Variants in TADA1 observed in about 807,000 individuals in gnomAD.
TADA1 encodes transcriptional adaptor 1, also known as transcriptional adapter 1.
A neutral mutation model predicts 39.3 loss-of-function variants in TADA1; 23 were observed. The observed-to-expected ratio is 0.58, with a 90% CI of 0.42 to 0.83. The LOEUF (loss-of-function observed/expected upper bound fraction) is 0.83. Ranked by LOEUF, TADA1 falls within the 40% of genes least tolerant of loss-of-function variation. The probability of loss-of-function intolerance (pLI) is 0.00; values close to 1 mark genes in which losing one functional copy is unlikely to be tolerated. For missense variants in TADA1, 352 were observed against 408.1 expected (o/e 0.86, Z 1.18); for synonymous variants, 137 against 151.8 (o/e 0.90, Z 0.72).
At chr1:166,871,572 G>A (rs1476481109) in intron 1 of TADA1, among the ~76,000 whole-genome samples, 4 of 152,018 alleles carry the variant, frequency 2.6e-5, no homozygotes, top group Admixed American at 2.6e-4. Flanking sequence ...TAGCCTTTAT[G>A]GGGTCTTAAG....
At chr1:166,863,067 T>A (rs1319328825) in intron 4 of TADA1, 1 of 152,612 alleles carries the variant, frequency 6.6e-6, no homozygotes, top group Non-Finnish European at 1.5e-5. Context: ...TGCTTAAGGC[T>A]AATATAAAAG....
chr1:166,873,422 A>T (rs536961606), intron 1 of TADA1, among the ~76,000 whole-genome samples: 73 of 152,330 alleles, frequency 4.8e-4, no homozygotes, highest in African/African-American at 1.7e-3. Flanking sequence ...TTGGGCACAC[A>T]ACCCAACCAG....
At position 166,857,489 on chromosome 1, in the gene TADA1, T is replaced by C; in HGVS notation, c.*78A>G. ...ATATATACACTATACACTTCAGCCT[T>C]GAAATGTGGACCCAAAAAACATTCA... is the stretch of plus-strand genomic sequence containing the variant. On this transcript the variant is annotated 3_prime_UTR_variant, in exon 8 of 8. Coordinates refer to ENST00000367874, the MANE Select transcript of TADA1 (RefSeq NM_053053.4). The C allele has an allele frequency of 1.3e-6, 2 of 1,547,922 alleles. No individual in the cohort carries two copies. Among genetic ancestry groups the C allele is most frequent in the Non-Finnish European group, 1.8e-6 (2 of 1,134,148 alleles).
chr1:166,856,809 G>T lies in TADA1; in HGVS notation c.*758C>A, dbSNP rs1658288759. On this transcript the variant is annotated 3_prime_UTR_variant, in exon 8 of 8. Coordinates refer to ENST00000367874, the MANE Select transcript of TADA1 (RefSeq NM_053053.4). ...ACCAAGCATATATCCAATTTGTATAGATTTCTTAAAATACATTCTATAGGA... is the reference window on the plus strand; with the variant it reads ...ACCAAGCATATATCCAATTTGTATATATTTCTTAAAATACATTCTATAGGA... 2 of 152,610 alleles carry T rather than the reference G, an allele frequency of 1.3e-5. No homozygotes were observed. The highest frequency in any genetic ancestry group is 6.5e-5 in the Admixed American group (1 of 15,284). The allele number at this position is 152,610 out of a possible 1,614,324, so 9.5% of individuals were successfully genotyped here. A position where few individuals can be genotyped will look rare whatever the true frequency, so the allele number is the denominator to read the frequency against.
intron 1 of TADA1, among the ~76,000 whole-genome samples, chr1:166,875,624 T>C (rs923759154): frequency 1.4e-4 from 22 of 152,222 alleles, no homozygotes; most frequent in African/African-American, 5.3e-4. Context: ...ATCACTATAA[T>C]TGTAGTGTTC....
At chr1:166,869,338 T>A in intron 3 of TADA1, 107 bp downstream of exon 3, 1 of 831,482 alleles carries the variant, frequency 1.2e-6, no homozygotes, top group Non-Finnish European at 1.9e-6. Flanking sequence ...TTCTTCTGAG[T>A]AGTTCAAAAA....
intron 1 of TADA1, among the ~76,000 whole-genome samples, chr1:166,872,489 T>C (rs1172994542): frequency 6.6e-6 from 1 of 152,084 alleles, no homozygotes; most frequent in Non-Finnish European, 1.5e-5. Flanking sequence ...CTGACCAATA[T>C]GATGAAACCC....
intron 3 of TADA1, among the ~76,000 whole-genome samples, chr1:166,868,233 T>C (rs1307732621): frequency 1.3e-5 from 2 of 152,208 alleles, no homozygotes; most frequent in East Asian, 3.8e-4. Flanking sequence ...AGAGGTGACT[T>C]ACAGCTTAAT....
chr1:166,869,446 T>C lies in TADA1; in HGVS notation c.231A>G (p.Pro77=), dbSNP rs139529928. 1.2e-6 allele frequency: 2 copies of C among 1,612,418 alleles called. No homozygotes were observed. Among genetic ancestry groups the C allele is most frequent in the South Asian group, 1.1e-5 (1 of 91,014 alleles). The change falls in exon 3 of 8, where the codon CCA becomes CCG. Residue 77 remains proline (P), a splice_region_variant and synonymous_variant. Transcript: ENST00000367874. ...CTGGAAGTATTTCCACTCCCTTACC[T>C]GGTGTAGAAACCAAAATCTGACAAC... ...LTRCQILVST[P]DGAGSLPWPG...
Position 166,876,195 on chromosome 1 carries a change from C to T in TADA1, c.39G>A (p.Lys13=). The change falls in exon 1 of 8, where the codon AAG becomes AAA. Residue 13 remains lysine (K), a synonymous_variant. Coordinates refer to ENST00000367874, the MANE Select transcript of TADA1 (RefSeq NM_053053.4). The part of the protein sequence containing the change: ...TFVSELEAAK[K]NLSEALGDNV... ...TGTCCCCCAGGGCCTCGCTTAAGTT[C>T]TTCTTGGCCGCCTCCAGCTCGCTCA... is the stretch of plus-strand genomic sequence containing the variant. 6.2e-7 allele frequency: 1 copy of T among 1,613,836 alleles called. No individual in the cohort carries two copies. The highest frequency in any genetic ancestry group is 8.5e-7 in the Non-Finnish European group (1 of 1,179,908).
rs7532247 is a variant in TADA1, at chr1:166,868,838, C to T, written c.232+607G>A. The T allele has an allele frequency of 5.7e-5, 9 of 158,132 alleles. No individual in the cohort carries two copies. The East Asian group carries it at 7.5e-4, about 13-fold the overall frequency. 9.8% of individuals were successfully genotyped at this position (158,132 alleles called of 1,614,324 possible). A position where few individuals can be genotyped will look rare whatever the true frequency, so the allele number is the denominator to read the frequency against. On this transcript the variant is annotated intron_variant, in intron 3 of 7. Transcript: ENST00000367874. ...CCCAGCTCTCCCAGCATAACACGCC[C>T]GGACCAAGGGGTCCACGGGGGCTAG...
intron 3 of TADA1, among the ~76,000 whole-genome samples, chr1:166,867,722 C>T (rs541782197): frequency 3.3e-5 from 5 of 151,982 alleles, no homozygotes; most frequent in South Asian, 2.1e-4. Flanking sequence ...TACAGATGTG[C>T]GCCACCACGC....
In TADA1 at chr1:166,867,660, A is replaced by G. The variant is rs562391252; in HGVS notation, c.232+1785T>C. On this transcript the variant is annotated intron_variant, in intron 3 of 7. Transcript: ENST00000367874. ...AGTGCCGTGGCACAATGTAACCTCT[A>G]CCTCCCAGGTTCAAGCGATTCTCAT... Among the ~76,000 whole-genome samples the G allele has an allele frequency of 4.0e-5, 6 of 150,800 alleles. No homozygotes were observed. The South Asian group carries it at 1.3e-3, about 32-fold the overall frequency.
At chr1:166,875,253 TC>T (rs2101798696) in intron 1 of TADA1, among the ~76,000 whole-genome samples, 1 of 152,344 alleles carries the variant, frequency 6.6e-6, no homozygotes, top group South Asian at 2.1e-4. Context: ...TCCAAACTCT[TC>T]CTTGTATCCC....
At chr1:166,858,809 A>G (rs1658343675) in intron 6 of TADA1, among the ~76,000 whole-genome samples, 3 of 152,252 alleles carry the variant, frequency 2.0e-5, no homozygotes, top group South Asian at 4.1e-4. Flanking sequence ...ACGTATCTAG[A>G]GGTAAAACAA....
At chr1:166,866,784 A>G (rs1292465387) in intron 3 of TADA1, among the ~76,000 whole-genome samples, 2 of 151,236 alleles carry the variant, frequency 1.3e-5, no homozygotes, top group African/African-American at 2.4e-5. Flanking sequence ...TTAGTCTGTC[A>G]CCCAGGCTGG....
chr1:166,858,749 A>G (rs1431363893), intron 6 of TADA1, among the ~76,000 whole-genome samples: 1 of 152,262 alleles, frequency 6.6e-6, no homozygotes, highest in Non-Finnish European at 1.5e-5. Flanking sequence ...GAAGTCAGAC[A>G]TAGTTTTTAC....
chr1:166,869,411 C>A (rs1484733952), intron 3 of TADA1, 34 bp downstream of exon 3: 5 of 1,576,944 alleles, frequency 3.2e-6, no homozygotes, highest in African/African-American at 2.7e-5. Context: ...GCTTTGCTGA[C>A]TTACACACAC....
intron 3 of TADA1, among the ~76,000 whole-genome samples, chr1:166,867,827 G>A (rs977089665): frequency 1.3e-5 from 2 of 152,058 alleles, no homozygotes; most frequent in African/African-American, 2.4e-5. Flanking sequence ...TGACCCGCCC[G>A]CCTCAGCCTC....
Sources: gnomAD v4.1 joint callset for allele counts (sites outside exome capture counted in the v4.1 genomes callset) on GRCh38, gnomAD v4.1.1 for gene constraint, MANE v1.5 for transcripts, NCBI Gene and HGNC (gene_info 2026-07-23, HGNC 2026-07-21) for gene names.